The following HEATR5B variants were observed in gnomAD, a reference collection of about 807,000 sequenced individuals.
HEATR5B encodes HEAT repeat-containing protein 5B.
In HEATR5B, 156 loss-of-function variants were observed where a neutral mutation model predicts 224.1. The observed-to-expected ratio is 0.70, with a 90% CI of 0.61 to 0.80. The LOEUF is 0.80. Among genes scored for constraint, HEATR5B ranks in the 30% least tolerant of loss-of-function variants. The probability of loss-of-function intolerance (pLI) is 0.00; values close to 1 mark genes in which losing one functional copy is unlikely to be tolerated. For synonymous variants in HEATR5B, 1,027 were observed against 893.0 expected (o/e 1.15, Z -2.68); for missense variants, 2,323 against 2,535.5 (o/e 0.92, Z 1.80).
chr2:37,001,944 G>A (rs956087502), intron 32 of HEATR5B, among the ~76,000 whole-genome samples: 2 of 152,218 alleles, frequency 1.3e-5, no homozygotes, highest in Non-Finnish European at 2.9e-5. Flanking sequence ...TGGGATTATA[G>A]GCATGAGCCA....
intron 27 of HEATR5B, 78 bp from the exon 28 acceptor site, chr2:37,008,926 C>G (rs1026322927): frequency 3.2e-6 from 3 of 945,598 alleles, no homozygotes; most frequent in Admixed American, 4.5e-5. Flanking sequence ...TATAAAAATA[C>G]AGTTAAATCA....
rs1181912696 is a variant in HEATR5B, at chr2:36,999,379, T to C, written c.5545+1207A>G. Among the ~76,000 whole-genome samples the C allele has an allele frequency of 5.9e-5, 9 of 152,150 alleles. No individual in the cohort carries two copies. In the South Asian group the frequency reaches 1.0e-3, roughly 18 times the overall value. On this transcript the variant is annotated intron_variant, in intron 33 of 35. Coordinates refer to ENST00000233099, the MANE Select transcript of HEATR5B (RefSeq NM_019024.3). ...AAGAAAACATAAATATATTAACACATGTAAATTCTGGAGAGAGGCCGGGCA... is the reference window on the plus strand; with the variant it reads ...AAGAAAACATAAATATATTAACACACGTAAATTCTGGAGAGAGGCCGGGCA...
In HEATR5B at chr2:37,002,548, G is replaced by T. The variant is rs748163809; in HGVS notation, c.5075C>A (p.Ala1692Asp). The T allele has an allele frequency of 1.2e-6, 2 of 1,613,972 alleles. No individual in the cohort carries two copies. Among genetic ancestry groups the T allele is most frequent in the South Asian group, 1.1e-5 (1 of 91,068 alleles). Residue 1692 changes from alanine to aspartate, a missense_variant, in exon 32 of 36, where the codon GCC becomes GAC. Physicochemically the swap from Ala to Asp is moderately radical, Grantham distance 126. Coordinates refer to ENST00000233099, the MANE Select transcript of HEATR5B (RefSeq NM_019024.3). ...ACCTCCTTCTCCCAATACGGTACAG[G>T]CCTCTTTTTCCATATCATCTTCATC... ...TLNEDDMEKE[A>D]CTVLGEGGDS...
chr2:36,999,448 C>T (rs1016797060), intron 33 of HEATR5B, among the ~76,000 whole-genome samples: 20 of 151,868 alleles, frequency 1.3e-4, no homozygotes, highest in African/African-American at 4.1e-4. Context: ...GAGGCTGAGG[C>T]AGGCAGATCA....
rs1572958340 is a variant in HEATR5B, at chr2:37,081,493, A to G, written c.126+1796T>C. Among the ~76,000 whole-genome samples, 2 of 152,226 alleles carry G rather than the reference A, an allele frequency of 1.3e-5. 1 individual carries two copies. Among genetic ancestry groups the G allele is most frequent in the East Asian group, 3.8e-4 (2 of 5,200 alleles). On this transcript the variant is annotated intron_variant, in intron 2 of 35. Coordinates refer to ENST00000233099, the MANE Select transcript of HEATR5B (RefSeq NM_019024.3). ...AGTATTTGGAAACCAACTGTTCCCA[A>G]CAGGGAAAGCTGCAAAATGACCTAA...
At chr2:37,054,367 G>C (rs1413150771) in intron 16 of HEATR5B, among the ~76,000 whole-genome samples, 4 of 150,832 alleles carry the variant, frequency 2.7e-5, no homozygotes. Context: ...TTTTAGTAGA[G>C]ACTGGGTTTC....
intron 9 of HEATR5B, 57 bp downstream of exon 9, chr2:37,065,698 C>T: frequency 7.0e-7 from 1 of 1,429,404 alleles, no homozygotes; most frequent in South Asian, 1.2e-5. Flanking sequence ...AAATATCAAT[C>T]ACACTTATGA....
rs925260199 is a variant in HEATR5B, at chr2:37,056,551, C to T, written c.2288G>A (p.Arg763His). Residue 763 changes from arginine (R) to histidine (H), a missense_variant, in exon 16 of 36, where the codon CGC (arginine) becomes CAC (histidine). Physicochemically the swap from Arg to His is conservative, Grantham distance 29 (BLOSUM62 0). Coordinates refer to ENST00000233099, the MANE Select transcript of HEATR5B (RefSeq NM_019024.3). The part of the protein sequence containing the change: ...LEHDPSSIYL[R>H]IPAGEAVPGP... Reference sequence around the variant, plus strand: ...AGGTACTGCTTCTCCAGCAGGTATGCGTAAATAAATAGAGGAAGGATCATG... The same window carrying T: ...AGGTACTGCTTCTCCAGCAGGTATGTGTAAATAAATAGAGGAAGGATCATG... 3.7e-6 allele frequency: 6 copies of T among 1,612,728 alleles called. No individual in the cohort carries two copies. Among genetic ancestry groups the T allele is most frequent in the Admixed American group, 1.7e-5 (1 of 59,872 alleles).
At chr2:37,064,279 G>GTT (rs1168347754) in intron 10 of HEATR5B, among the ~76,000 whole-genome samples, 109 of 127,128 alleles carry the variant, frequency 8.6e-4, no homozygotes, top group Middle Eastern at 8.7e-3. Flanking sequence ...CTAAGGTTGG[G>GTT]TTTTTTTTTT....
intron 4 of HEATR5B, 56 bp downstream of exon 4, chr2:37,076,855 G>T: frequency 7.8e-7 from 1 of 1,279,466 alleles, no homozygotes; most frequent in Non-Finnish European, 1.1e-6. Flanking sequence ...TATTTTAGCT[G>T]ACATCTAACT....
chr2:37,005,689 C>A lies in HEATR5B; in HGVS notation c.4848G>T (p.Gln1616His), dbSNP rs765350195. 5 of 1,612,718 alleles carry A rather than the reference C, an allele frequency of 3.1e-6. No homozygotes were observed. The East Asian group carries it at 1.1e-4, about 36-fold the overall frequency. Residue 1616 changes from glutamine (Q) to histidine (H), a missense_variant, in exon 30 of 36, where the codon CAG becomes CAT. By Grantham distance (24) the Gln-to-His change is conservative. Coordinates refer to ENST00000233099, the MANE Select transcript of HEATR5B (RefSeq NM_019024.3). ...GGGAGTCTAGCAAGGTATGTAAGGC[C>A]TGCAGGCATGCTGTAACATGTTCAA... ...EPIEHVTACL[Q>H]ALHTLLDSPY... is the part of the protein sequence containing the mutation.
intron 33 of HEATR5B, among the ~76,000 whole-genome samples, chr2:36,992,488 G>A (rs1392025579): frequency 6.6e-6 from 1 of 151,682 alleles, no homozygotes; most frequent in Non-Finnish European, 1.5e-5. Context: ...GGCTGAGGCA[G>A]GAGGATCACT....
At position 37,075,534 on chromosome 2, in the gene HEATR5B, C is replaced by T. The variant is rs1324822632; in HGVS notation, c.548G>A (p.Arg183Lys). 1 of 1,614,080 alleles carries T rather than the reference C, an allele frequency of 6.2e-7. No homozygotes were observed. Among genetic ancestry groups the T allele is most frequent in the South Asian group, 1.1e-5 (1 of 91,082 alleles). Residue 183 changes from arginine to lysine, a missense_variant, in exon 5 of 36, where the codon AGG (arginine) becomes AAG (lysine). By Grantham distance (26) the Arg-to-Lys change is conservative. Around this residue, in one of 12 missense-constraint regions of HEATR5B, gnomAD observed 292 missense variants for 332.6 expected, o/e 0.88. Coordinates refer to ENST00000233099, the MANE Select transcript of HEATR5B (RefSeq NM_019024.3). ...CATTGACCTATCAGTCAAGAGAGAC[C>T]TGGCATTCTTGTAAATATCACGATG... The part of the protein sequence containing the change: ...SSHRDIYKNA[R>K]SLLTDRSMAV...
chr2:37,081,221 G>A (rs2148614361), intron 2 of HEATR5B, among the ~76,000 whole-genome samples: 1 of 152,240 alleles, frequency 6.6e-6, no homozygotes, highest in East Asian at 1.9e-4. Flanking sequence ...GTGAATCCAT[G>A]CATTGTTTTT....
At chr2:36,991,495 C>CAAA (rs56351937) in intron 33 of HEATR5B, among the ~76,000 whole-genome samples, 2 of 101,310 alleles carry the variant, frequency 2.0e-5, no homozygotes, top group African/African-American at 3.4e-5. Flanking sequence ...AACTCTGTCT[C>CAAA]AAAAAAAAAA....
intron 13 of HEATR5B, 57 bp downstream of exon 13, chr2:37,058,831 G>T: frequency 9.6e-7 from 1 of 1,037,174 alleles, no homozygotes; most frequent in Non-Finnish European, 1.4e-6. Flanking sequence ...ATATGGCTGA[G>T]AAGTATATTA....
intron 33 of HEATR5B, among the ~76,000 whole-genome samples, chr2:36,993,833 A>G (rs903597259): frequency 6.6e-6 from 1 of 152,192 alleles, no homozygotes; most frequent in Non-Finnish European, 1.5e-5. Flanking sequence ...GAGAGGAAAA[A>G]AAAAAATTAG....
In HEATR5B at chr2:37,005,648, T is replaced by C. The variant is rs373019505; in HGVS notation, c.4889A>G (p.His1630Arg). The change falls in exon 30 of 36, where the codon CAT becomes CGT. Residue 1630 changes from histidine to arginine, a missense_variant. Physicochemically the swap from His to Arg is conservative, Grantham distance 29 (BLOSUM62 0). Around this residue, in one of 12 missense-constraint regions of HEATR5B, gnomAD observed 844 missense variants for 812.9 expected, o/e 1.04. Coordinates refer to ENST00000233099, the MANE Select transcript of HEATR5B (RefSeq NM_019024.3). ...ACACTGTACCTGATCTTCTGCAATA[T>C]GGACTCGAGCATAAGGGGAGTCTAG... Reference protein sequence around the residue: ...TLLDSPYARVHIAEDQLIGVE... With the variant: ...TLLDSPYARVRIAEDQLIGVE... 1.2e-5 allele frequency: 20 copies of C among 1,613,672 alleles called. No individual in the cohort carries two copies. In the East Asian group the frequency reaches 1.3e-4, roughly 11 times the overall value.
chr2:37,000,802 T>A lies in HEATR5B; in HGVS notation c.5329A>T (p.Ile1777Phe). The A allele has an allele frequency of 6.2e-7, 1 of 1,611,114 alleles. No individual in the cohort carries two copies. The highest frequency in any genetic ancestry group is 8.5e-7 in the Non-Finnish European group (1 of 1,177,296). Residue 1777 changes from isoleucine to phenylalanine, a missense_variant, in exon 33 of 36, where the codon ATC (isoleucine) becomes TTC (phenylalanine). By Grantham distance (21) the Ile-to-Phe change is conservative. Around this residue, in one of 12 missense-constraint regions of HEATR5B, gnomAD observed 844 missense variants for 812.9 expected, o/e 1.04. Coordinates refer to ENST00000233099, the MANE Select transcript of HEATR5B (RefSeq NM_019024.3). ...SLCSPAGCMT[I>F]LPTILFLIAR... ...ATTAAGAACAGAATTGTGGGCAGGA[T>A]TGTCATACATCCTGAAAGAAAAACA...
Sources: allele counts gnomAD v4.1 joint callset (sites outside exome capture counted in the v4.1 genomes callset), GRCh38; gene constraint gnomAD v4.1.1; regional missense constraint gnomAD v4.1.1; transcripts MANE v1.5; gene names NCBI Gene and HGNC (gene_info 2026-07-23, HGNC 2026-07-21).